The following DLG2 variants were observed in gnomAD, a reference collection of about 807,000 sequenced individuals.
The protein encoded by DLG2 is discs large MAGUK scaffold protein 2.
A neutral mutation model predicts 132.5 loss-of-function variants in DLG2; 45 were observed. The observed-to-expected ratio is 0.34, with a 90% CI of 0.27 to 0.44. The LOEUF is 0.44. DLG2 is among the 20% of genes least tolerant of loss of function. DLG2 has a pLI of 1.00. For synonymous variants in DLG2, 424 were observed against 419.6 expected (o/e 1.01, Z -0.13); for missense variants, 1,045 against 1,196.9 (o/e 0.87, Z 1.87).
chr11:84,204,176 C>T (rs1041367161), intron 8 of DLG2, among the ~76,000 whole-genome samples: 20 of 152,196 alleles, frequency 1.3e-4, no homozygotes, highest in South Asian at 1.2e-3. Context: ...AGGCTGGTCT[C>T]GAACTCCCGA....
intron 11 of DLG2, among the ~76,000 whole-genome samples, chr11:84,036,884 C>T (rs927680451): frequency 4.6e-5 from 7 of 152,036 alleles, no homozygotes; most frequent in African/African-American, 7.2e-5. Context: ...TCAGCTAGGT[C>T]GGTGTGTTGC....
intron 3 of DLG2, among the ~76,000 whole-genome samples, chr11:85,511,724 CT>C (rs35942548): frequency 1.2e-4 from 18 of 146,498 alleles, no homozygotes; most frequent in East Asian, 1.0e-3. Flanking sequence ...TTTGAAGTTT[CT>C]TTTTTTTTTT....
At chr11:84,528,581 C>T (rs549004140) in intron 7 of DLG2, among the ~76,000 whole-genome samples, 6 of 152,306 alleles carry the variant, frequency 3.9e-5, no homozygotes, top group Admixed American at 1.3e-4. Flanking sequence ...GTAAATTCTC[C>T]ATTAATACTA....
At chr11:84,893,450 G>A (rs563925004) in intron 6 of DLG2, among the ~76,000 whole-genome samples, 2 of 152,286 alleles carry the variant, frequency 1.3e-5, no homozygotes, top group African/African-American at 2.4e-5. Context: ...TGAGTCATGA[G>A]ACAGTGCAGA....
intron 6 of DLG2, chr11:84,923,153 G>C (rs1400339449): frequency 2.5e-6 from 4 of 1,613,178 alleles, no homozygotes. Context: ...CCGGTATTCA[G>C]CTTCTCAGCA....
intron 3 of DLG2, among the ~76,000 whole-genome samples, chr11:85,341,318 C>T (rs1316190611): frequency 1.3e-5 from 2 of 152,126 alleles, no homozygotes; most frequent in East Asian, 1.9e-4. Context: ...CACAGGGTTT[C>T]ACCGTGTTAG....
At chr11:85,472,178 G>A (rs1258724141) in intron 3 of DLG2, among the ~76,000 whole-genome samples, 2 of 152,034 alleles carry the variant, frequency 1.3e-5, no homozygotes, top group Non-Finnish European at 2.9e-5. Flanking sequence ...GCTGCCCATG[G>A]ACCAATTGGC....
At chr11:83,939,496 A>T (rs2082194310) in intron 14 of DLG2, among the ~76,000 whole-genome samples, 1 of 152,246 alleles carries the variant, frequency 6.6e-6, no homozygotes, top group South Asian at 2.1e-4. Flanking sequence ...TGTGAGGAAC[A>T]TTACAAAGGC....
At chr11:83,896,166 A>G (rs1010222461) in intron 15 of DLG2, among the ~76,000 whole-genome samples, 3 of 152,246 alleles carry the variant, frequency 2.0e-5, no homozygotes, top group Non-Finnish European at 4.4e-5. Context: ...ATTTACTGCC[A>G]CTTGAGAATA....
intron 6 of DLG2, among the ~76,000 whole-genome samples, chr11:85,040,017 G>A (rs901776764): frequency 3.3e-5 from 5 of 151,910 alleles, no homozygotes; most frequent in African/African-American, 1.2e-4. Flanking sequence ...AGAAGCAGGT[G>A]AATCCGGATT....
At chr11:84,352,435 T>G (rs184098256) in intron 7 of DLG2, among the ~76,000 whole-genome samples, 4 of 152,316 alleles carry the variant, frequency 2.6e-5, no homozygotes, top group Admixed American at 2.6e-4. Flanking sequence ...ATAAAATGCA[T>G]AGTGAAACCA....
At position 84,596,190 on chromosome 11, in the gene DLG2, G is replaced by GTCTCTCTC. The variant is rs59824224; in HGVS notation, c.358-61467_358-61460dup. Among the ~76,000 whole-genome samples the GTCTCTCTC allele has an allele frequency of 8.0e-3, 1,164 of 144,814 alleles. 9 individuals carry two copies. Among genetic ancestry groups the GTCTCTCTC allele is most frequent in the African/African-American group, 0.011 (433 of 39,052 alleles). On this transcript the variant is annotated intron_variant, in intron 6 of 27. Coordinates refer to ENST00000376104, the MANE Select transcript of DLG2 (RefSeq NM_001142699.3). ...TGAAATTTCTTTCCTTCTTTTCTCT[G>GTCTCTCTC]TCTCTCTCTCTCTCTCTCTCTCTCT...
intron 8 of DLG2, among the ~76,000 whole-genome samples, chr11:84,203,340 T>TG (rs1437128379): frequency 6.6e-6 from 1 of 152,014 alleles, no homozygotes; most frequent in Non-Finnish European, 1.5e-5. Flanking sequence ...CTCAGCACTT[T>TG]GGGAGGCTGA....
intron 9 of DLG2, among the ~76,000 whole-genome samples, chr11:84,130,524 A>ATGTG (rs1566633125): frequency 8.1e-6 from 1 of 123,902 alleles, no homozygotes; most frequent in Non-Finnish European, 1.8e-5. Flanking sequence ...ACACACACAC[A>ATGTG]TATATGTGTG....
intron 19 of DLG2, among the ~76,000 whole-genome samples, chr11:83,557,274 G>A (rs991325481): frequency 2.0e-5 from 3 of 152,204 alleles, no homozygotes; most frequent in African/African-American, 7.2e-5. Flanking sequence ...ATAAAAGCAT[G>A]TACAATCTGT....
At chr11:84,876,634 C>T (rs1376487688) in intron 6 of DLG2, among the ~76,000 whole-genome samples, 1 of 152,224 alleles carries the variant, frequency 6.6e-6, no homozygotes, top group Middle Eastern at 3.4e-3. Flanking sequence ...AAAAAAACAG[C>T]TCCTGGATTC....
At chr11:84,894,846 T>C (rs12275261) in intron 6 of DLG2, among the ~76,000 whole-genome samples, 10,542 of 152,166 alleles carry the variant, frequency 0.069, 365 homozygotes, top group Admixed American at 0.093. Flanking sequence ...ATGTCTACAA[T>C]TTATGTCAGT....
intron 4 of DLG2, among the ~76,000 whole-genome samples, chr11:85,200,921 C>A (rs569271870): frequency 6.6e-6 from 1 of 152,240 alleles, no homozygotes; most frequent in South Asian, 2.1e-4. Flanking sequence ...CAGCAGATCA[C>A]AAGGGGCCCC....
rs150808317 is a variant in DLG2, at chr11:84,758,821, G to A, written c.358-224090C>T. On this transcript the variant is annotated intron_variant, in intron 6 of 27. Transcript: ENST00000376104. ...GTAGATTCACTAAGTTGAAAAGCTC[G>A]TAAAGATTACTTTTCTACAAAATAC... 4.5e-4 allele frequency among the ~76,000 whole-genome samples: 68 copies of A among 152,146 alleles called. No individual in the cohort carries two copies. In the East Asian group the frequency reaches 0.011, roughly 25 times the overall value.
Sources: allele counts gnomAD v4.1 joint callset (sites outside exome capture counted in the v4.1 genomes callset), GRCh38; gene constraint gnomAD v4.1.1; transcripts MANE v1.5; gene names NCBI Gene and HGNC (gene_info 2026-07-23, HGNC 2026-07-21).